B4GALNT3: variants seen among roughly 807,000 people sequenced by gnomAD.
The protein encoded by B4GALNT3 is beta-1,4-N-acetyl-galactosaminyltransferase 3.
A neutral mutation model predicts 120.2 loss-of-function variants in B4GALNT3; 86 were observed. That is an observed-to-expected ratio of 0.72 (90% CI 0.60 to 0.86). B4GALNT3 has a LOEUF of 0.86. Ranked by LOEUF, B4GALNT3 falls within the 40% of genes least tolerant of loss-of-function variation. B4GALNT3 has a pLI of 0.00. For synonymous variants in B4GALNT3, 518 were observed against 510.4 expected (o/e 1.01, Z -0.20); for missense variants, 1,167 against 1,298.9 (o/e 0.90, Z 1.56).
intron 1 of B4GALNT3, among the ~76,000 whole-genome samples, chr12:507,152 TC>T (rs950403863): frequency 6.6e-5 from 10 of 152,226 alleles, no homozygotes; most frequent in African/African-American, 2.2e-4. Context: ...CTTTCAGATA[TC>T]CCTTTTCTGT....
intron 1 of B4GALNT3, among the ~76,000 whole-genome samples, chr12:521,246 C>T (rs556821742): frequency 6.6e-6 from 1 of 152,254 alleles, no homozygotes; most frequent in South Asian, 2.1e-4. Flanking sequence ...CCTCCACCAC[C>T]ACGGGACACC....
rs201823410 is a variant in B4GALNT3 at position 557,972 on chromosome 12, C to T, written c.2535-44C>T. 1.1e-4 allele frequency: 178 copies of T among 1,597,684 alleles called. No homozygotes were observed. The African/African-American group carries it at 1.6e-3, about 14-fold the overall frequency. On this transcript the variant is annotated intron_variant, in intron 16 of 19. Coordinates refer to ENST00000266383, the MANE Select transcript of B4GALNT3 (RefSeq NM_173593.4). ...CTGCCAACTTCCTCCAGGGGACCAC[C>T]GCAGCTGAGTCCTGATACGCAGCCC...
chr12:523,651 A>C (rs1946733790), intron 1 of B4GALNT3, among the ~76,000 whole-genome samples: 2 of 152,218 alleles, frequency 1.3e-5, no homozygotes, highest in South Asian at 4.1e-4. Context: ...TTTGACATTA[A>C]ACAAATTAAT....
chr12:488,737 T>C (rs1000855329), intron 1 of B4GALNT3, among the ~76,000 whole-genome samples: 1 of 152,090 alleles, frequency 6.6e-6, no homozygotes, highest in African/African-American at 2.4e-5. Context: ...GGAGGACTGC[T>C]TGAGCCCAGG....
chr12:543,221 G>T (rs1031975613), intron 3 of B4GALNT3: 1 of 1,283,802 alleles, frequency 7.8e-7, no homozygotes, highest in African/African-American at 1.5e-5. Flanking sequence ...TGAAAGAAGT[G>T]CTGGGTGCTG....
chr12:504,606 G>A (rs1056346902), intron 1 of B4GALNT3, among the ~76,000 whole-genome samples: 2 of 151,656 alleles, frequency 1.3e-5, no homozygotes, highest in Non-Finnish European at 2.9e-5. Flanking sequence ...CTGTAAGCAC[G>A]GGCTACCATG....
intron 1 of B4GALNT3, among the ~76,000 whole-genome samples, chr12:530,225 G>A (rs1232941384): frequency 6.6e-6 from 1 of 152,272 alleles, no homozygotes; most frequent in African/African-American, 2.4e-5. Flanking sequence ...ATTTAGGGAA[G>A]ATTTTCCTGT....
chr12:547,945 C>A, intron 7 of B4GALNT3, 79 bp from the exon 8 acceptor site: 2 of 1,231,256 alleles, frequency 1.6e-6, no homozygotes, highest in Non-Finnish European at 2.4e-6. Context: ...GTGTAAGGTG[C>A]TGGAAGGGGG....
intron 7 of B4GALNT3, 31 bp downstream of exon 7, chr12:546,744 C>T (rs1565608629): frequency 5.8e-6 from 9 of 1,543,900 alleles, no homozygotes; most frequent in African/African-American, 2.7e-5. Context: ...GCGCTGTGGG[C>T]GCCTCGGTGC....
intron 1 of B4GALNT3, among the ~76,000 whole-genome samples, chr12:511,826 CCTTCCACCTT>C (rs1368838111): frequency 3.9e-5 from 3 of 76,194 alleles, no homozygotes; most frequent in African/African-American, 1.4e-4. Flanking sequence ...CCACCTTCCA[CCTTCCACCTT>C]CTTCCACCTT....
At chr12:511,552 CCTTCCACCTTCCGCCTTCGACCTT>C (rs1946561362) in intron 1 of B4GALNT3, among the ~76,000 whole-genome samples, 1 of 144,502 alleles carries the variant, frequency 6.9e-6, no homozygotes, top group African/African-American at 2.7e-5. Context: ...CTTCCTTCCA[CCTTCCACCTTCCGCCTTCGACCTT>C]CTTCCACCTT....
At chr12:547,689 C>T (rs759788440) in intron 7 of B4GALNT3, among the ~76,000 whole-genome samples, 1 of 152,038 alleles carries the variant, frequency 6.6e-6, no homozygotes, top group East Asian at 1.9e-4. Context: ...TTCTCCTCTA[C>T]GAACAAGGAT....
chr12:468,816 C>T (rs942112073), intron 1 of B4GALNT3, among the ~76,000 whole-genome samples: 2 of 152,218 alleles, frequency 1.3e-5, no homozygotes, highest in African/African-American at 4.8e-5. Flanking sequence ...AAATTGTGTT[C>T]TCGTGGTGCC....
intron 1 of B4GALNT3, among the ~76,000 whole-genome samples, chr12:469,330 G>A (rs75928916): frequency 0.049 from 7,460 of 152,176 alleles, 572 homozygotes; most frequent in African/African-American, 0.17. Context: ...TTAGTGAGCC[G>A]AGCACATATT....
At chr12:478,272 ATT>A (rs375871759) in intron 1 of B4GALNT3, among the ~76,000 whole-genome samples, 1,041 of 47,506 alleles carry the variant, frequency 0.022, 30 homozygotes, top group Middle Eastern at 0.05. Context: ...AAAAAAAAAA[ATT>A]AGAGGAGGTA....
intron 1 of B4GALNT3, among the ~76,000 whole-genome samples, chr12:484,552 C>A (rs1260381198): frequency 1.3e-5 from 2 of 152,112 alleles, no homozygotes; most frequent in East Asian, 1.9e-4. Context: ...AGGAGTAGCC[C>A]AGCATCATTC....
chr12:563,445 A>T lies in B4GALNT3; in HGVS notation c.*1994A>T, dbSNP rs1438511418. The T allele has an allele frequency of 6.6e-6, 1 of 152,160 alleles. No homozygotes were observed. Among genetic ancestry groups the T allele is most frequent in the Non-Finnish European group, 1.5e-5 (1 of 68,006 alleles). The allele number at this position is 152,160 out of a possible 1,614,324, so 9.4% of individuals were successfully genotyped here. ...TACTCCCTAGAGAAATGTCTTGGGT[A>T]GGAGAGGGTGTGGGATGGTGGGAGG... On this transcript the variant is annotated 3_prime_UTR_variant, in exon 20 of 20. Coordinates refer to ENST00000266383, the MANE Select transcript of B4GALNT3 (RefSeq NM_173593.4).
intron 1 of B4GALNT3, 42 bp from the exon 2 acceptor site, chr12:535,124 A>G (rs764680431): frequency 4.5e-6 from 7 of 1,543,986 alleles, no homozygotes; most frequent in Admixed American, 1.7e-5. Flanking sequence ...TGAGGTTTCC[A>G]GGTTACGCTG....
At chr12:542,642 CCCTGCCACCCACTCAGAGTGCTGGCT>C (rs1228013869) in intron 3 of B4GALNT3, among the ~76,000 whole-genome samples, 1 of 152,204 alleles carries the variant, frequency 6.6e-6, no homozygotes, top group Non-Finnish European at 1.5e-5. Flanking sequence ...AAATTTCCAG[CCCTGCCACCCACTCAGAGTGCTGGCT>C]CCTGCCTTCC....
Sources: gnomAD v4.1 joint callset for allele counts (sites outside exome capture counted in the v4.1 genomes callset) on GRCh38, gnomAD v4.1.1 for gene constraint, MANE v1.5 for transcripts, NCBI Gene and HGNC (gene_info 2026-07-23, HGNC 2026-07-21) for gene names.